GINS2: variants seen among roughly 807,000 people sequenced by gnomAD.
The protein encoded by GINS2 is GINS complex subunit 2, also known as DNA replication complex GINS protein PSF2.
Under a neutral mutation model 21.2 loss-of-function variants are expected in GINS2, and 23 were observed. The ratio of observed to expected loss-of-function variants is 1.08; its 90% CI spans 0.78 to 1.53. The LOEUF is 1.53. Among genes scored for constraint, GINS2 ranks in the 40% most tolerant of loss-of-function variants. The probability of loss-of-function intolerance (pLI) is 0.00; values close to 1 mark genes in which losing one functional copy is unlikely to be tolerated. For missense variants in GINS2, 323 were observed against 233.9 expected, an observed-to-expected ratio of 1.38 and a Z score of -2.49; for synonymous variants, 118 against 85.6, an observed-to-expected ratio of 1.38 and a Z score of -2.09.
Position 85,678,537 on chromosome 16 carries a change from T to C in GINS2, c.432+3A>G, listed in dbSNP as rs776332423. 1.2e-6 allele frequency: 2 copies of C among 1,612,512 alleles called. No homozygotes were observed. The highest frequency in any genetic ancestry group is 1.1e-5 in the South Asian group (1 of 90,956). On this transcript the variant is annotated splice_donor_region_variant and intron_variant, in intron 4 of 4. Coordinates refer to ENST00000253462, the MANE Select transcript of GINS2 (RefSeq NM_016095.3). ...ACCAGCACCCAGGCAAGGCGGCACC[T>C]ACCTTGGCATGTGCCTCCTGCTGTC...
Position 85,676,538 on chromosome 16 carries a change from G to T in GINS2, c.*1674C>A, listed in dbSNP as rs936054927. On this transcript the variant is annotated 3_prime_UTR_variant, in exon 5 of 5. Transcript: ENST00000253462. ...ATAACCACCAAAACCTGCCTGGCGGGGACACGTGGGCAGCAACATGGAGTG... is the reference window on the plus strand; with the variant it reads ...ATAACCACCAAAACCTGCCTGGCGGTGACACGTGGGCAGCAACATGGAGTG... 1 of 152,218 alleles carries T rather than the reference G, an allele frequency of 6.6e-6. No individual in the cohort carries two copies. Among genetic ancestry groups the T allele is most frequent in the African/African-American group, 2.4e-5 (1 of 41,446 alleles). The allele number at this position is 152,218 out of a possible 1,614,324, so 9.4% of individuals were successfully genotyped here.
At chr16:85,683,043 G>T (rs925262035) in intron 2 of GINS2, among the ~76,000 whole-genome samples, 1 of 151,962 alleles carries the variant, frequency 6.6e-6, no homozygotes, top group Non-Finnish European at 1.5e-5. Flanking sequence ...CCCACTCGAG[G>T]ACCAGCCTTC....
chr16:85,682,648 G>A (rs1355140735), intron 2 of GINS2, among the ~76,000 whole-genome samples: 4 of 152,088 alleles, frequency 2.6e-5, no homozygotes, highest in African/African-American at 4.8e-5. Context: ...GAGGAGGCAT[G>A]ACATCCTAGA....
chr16:85,681,973 G>GT (rs961196309), intron 2 of GINS2, among the ~76,000 whole-genome samples: 11 of 99,142 alleles, frequency 1.1e-4, no homozygotes, highest in South Asian at 1.0e-3. Flanking sequence ...TTTTGCTTTT[G>GT]TTTTTTTTCT....
At chr16:85,680,584 C>G (rs1237991713) in intron 3 of GINS2, among the ~76,000 whole-genome samples, 4 of 152,080 alleles carry the variant, frequency 2.6e-5, no homozygotes, top group African/African-American at 9.7e-5. Flanking sequence ...GACCCAGCCC[C>G]TGCCCATTTA....
intron 2 of GINS2, among the ~76,000 whole-genome samples, chr16:85,685,727 T>C (rs1226403267): frequency 6.9e-6 from 1 of 145,880 alleles, no homozygotes; most frequent in African/African-American, 2.5e-5. Flanking sequence ...TTTCCCATTA[T>C]GTTTCAGGAC....
chr16:85,682,755 C>G (rs1395745424), intron 2 of GINS2, among the ~76,000 whole-genome samples: 1 of 152,184 alleles, frequency 6.6e-6, no homozygotes, highest in Non-Finnish European at 1.5e-5. Flanking sequence ...CAGCCCTCCC[C>G]CTCTACAGAG....
At position 85,687,490 on chromosome 16, in the gene GINS2, G is replaced by T; in HGVS notation, c.175C>A (p.Arg59Ser). Residue 59 changes from arginine to serine, a missense_variant, in exon 2 of 5, where the codon CGC becomes AGC. Physicochemically the swap from Arg to Ser is moderately radical, Grantham distance 110 (BLOSUM62 -1). Transcript: ENST00000253462. ...TCCATCCACTCTGGAGGGAGCAGGCGACATTTCTGTCTTTGTTTCAGGTTA... is the reference window on the plus strand; with the variant it reads ...TCCATCCACTCTGGAGGGAGCAGGCTACATTTCTGTCTTTGTTTCAGGTTA... The part of the protein sequence containing the change: ...AINLKQRQKC[R>S]LLPPEWMDVE... 1 of 1,590,398 alleles carries T rather than the reference G, an allele frequency of 6.3e-7. No individual in the cohort carries two copies. The highest frequency in any genetic ancestry group is 8.5e-7 in the Non-Finnish European group (1 of 1,170,196).
rs763569008 is a variant in GINS2 at position 85,678,213 on chromosome 16, T to C, written c.557A>G (p.Ter186TrpextTer27). 6.2e-7 allele frequency: 1 copy of C among 1,613,004 alleles called. No homozygotes were observed. Among genetic ancestry groups the C allele is most frequent in the South Asian group, 1.1e-5 (1 of 90,980 alleles). The change falls in exon 5 of 5, where the codon TAG becomes TGG. Residue 186 changes from the stop codon to tryptophan (W), a stop_lost. Transcript: ENST00000253462. ...PLESTQSQDF* is the reference protein window; with the variant it reads ...PLESTQSQDFW ...AAGCCGCCTGCACCAGGCCTTTCTC[T>C]AGAAGTCCTGAGACTGAGTACTCTC...
At chr16:85,682,194 T>A (rs1053096040) in intron 2 of GINS2, among the ~76,000 whole-genome samples, 1 of 152,050 alleles carries the variant, frequency 6.6e-6, no homozygotes, top group Non-Finnish European at 1.5e-5. Context: ...CATTTATTTT[T>A]TGTAGAGACA....
chr16:85,683,099 G>A (rs1263716517), intron 2 of GINS2, among the ~76,000 whole-genome samples: 1 of 151,998 alleles, frequency 6.6e-6, no homozygotes, highest in Non-Finnish European at 1.5e-5. Context: ...AGGCACTCCA[G>A]CAGCTCTCAT....
Position 85,677,324 on chromosome 16 carries a change from A to T in GINS2, c.*888T>A, listed in dbSNP as rs1170049947. On this transcript the variant is annotated 3_prime_UTR_variant, in exon 5 of 5. Coordinates refer to ENST00000253462, the MANE Select transcript of GINS2 (RefSeq NM_016095.3). Reference sequence around the variant, plus strand: ...ACGAATAAAGTAATTTTCTCTTAGGAAAAAAATAATTTCCCCTGAGCCCAC... The same window carrying T: ...ACGAATAAAGTAATTTTCTCTTAGGTAAAAAATAATTTCCCCTGAGCCCAC... 2.0e-5 allele frequency: 3 copies of T among 152,216 alleles called. No homozygotes were observed. The highest frequency in any genetic ancestry group is 7.2e-5 in the African/African-American group (3 of 41,456). 9.4% of individuals were successfully genotyped at this position (152,216 alleles called of 1,614,324 possible). A position where few individuals can be genotyped will look rare whatever the true frequency, so the allele number is the denominator to read the frequency against.
chr16:85,680,032 G>A (rs2053718420), intron 3 of GINS2, among the ~76,000 whole-genome samples: 1 of 152,164 alleles, frequency 6.6e-6, no homozygotes, highest in African/African-American at 2.4e-5. Flanking sequence ...TGCACTCCCA[G>A]CAAACCTCTG....
intron 1 of GINS2, 104 bp from the exon 2 acceptor site, chr16:85,687,678 A>C: frequency 1.6e-6 from 1 of 629,076 alleles, no homozygotes; most frequent in South Asian, 2.4e-5. Flanking sequence ...CAGAGGCTGA[A>C]GTCCAAATGC....
intron 2 of GINS2, among the ~76,000 whole-genome samples, chr16:85,683,940 T>C (rs2053754464): frequency 6.6e-6 from 1 of 152,226 alleles, no homozygotes; most frequent in African/African-American, 2.4e-5. Context: ...CTTACAAAGT[T>C]AAGCATTATC....
In GINS2 at chr16:85,678,255, G is replaced by T. The variant is rs192318511; in HGVS notation, c.515C>A (p.Thr172Lys). ...QALNHMYKLR[T>K]NLQPLESTQS... ...AGTACTCTCCAGAGGCTGGAGGTTCGTGCGGAGTTTGTACATGTGGTTGAG... is the reference window on the plus strand; with the variant it reads ...AGTACTCTCCAGAGGCTGGAGGTTCTTGCGGAGTTTGTACATGTGGTTGAG... Residue 172 changes from threonine (T) to lysine (K), a missense_variant, in exon 5 of 5, where the codon ACG becomes AAG. Thr to Lys is a moderately conservative substitution (Grantham distance 78). Transcript: ENST00000253462. 2.5e-4 allele frequency: 397 copies of T among 1,613,334 alleles called. No individual in the cohort carries two copies. The highest frequency in any genetic ancestry group is 5.0e-4 in the Middle Eastern group (3 of 5,978).
At position 85,681,878 on chromosome 16, in the gene GINS2, G is replaced by C. The variant is rs371571333; in HGVS notation, c.206-197C>G. ...CCTCCTTGAAACTTTCTCTCCAAAA[G>C]AAAGGTAAATTTTTGTCGCTGCTTT... On this transcript the variant is annotated intron_variant, in intron 2 of 4. Transcript: ENST00000253462. 5.3e-4 allele frequency among the ~76,000 whole-genome samples: 81 copies of C among 152,084 alleles called. 1 individual carries two copies. The highest frequency in any genetic ancestry group is 1.6e-3 in the African/African-American group (68 of 41,404).
chr16:85,681,555 G>C lies in GINS2; in HGVS notation c.305+27C>G, dbSNP rs781537051. On this transcript the variant is annotated intron_variant, in intron 3 of 4. Transcript: ENST00000253462. ...GCATGGCGAGTCCAGTCTTGGGTGT[G>C]GCCTCTAAGAGGTGAGATCTACTTA... is the stretch of plus-strand genomic sequence containing the variant. 42 of 1,302,214 alleles carry C rather than the reference G, an allele frequency of 3.2e-5. No individual in the cohort carries two copies. The South Asian group carries it at 4.9e-4, about 15-fold the overall frequency. The allele number at this position is 1,302,214 out of a possible 1,614,324, so 80.7% of individuals were successfully genotyped here.
chr16:85,687,975 A>T (rs1342852692), intron 1 of GINS2: 2 of 157,830 alleles, frequency 1.3e-5, no homozygotes, highest in African/African-American at 4.8e-5. Context: ...CCTCCCTCAT[A>T]CTGAAAACGC....
Sources: gnomAD v4.1 joint callset for allele counts (sites outside exome capture counted in the v4.1 genomes callset) on GRCh38, gnomAD v4.1.1 for gene constraint, MANE v1.5 for transcripts, NCBI Gene and HGNC (gene_info 2026-07-23, HGNC 2026-07-21) for gene names.